The following ANXA11 variants were observed in gnomAD, a reference collection of about 807,000 sequenced individuals.
ANXA11 encodes 56 kDa autoantigen.
A neutral mutation model predicts 64.7 loss-of-function variants in ANXA11; 57 were observed. The observed-to-expected ratio is 0.88, with a 90% CI of 0.71 to 1.10. The LOEUF (loss-of-function observed/expected upper bound fraction) is 1.10. ANXA11 is among the 50% of genes least tolerant of loss of function. The pLI, the probability that ANXA11 is intolerant of heterozygous loss-of-function variation, is 0.00. For missense variants in ANXA11, 675 were observed against 670.7 expected, an observed-to-expected ratio of 1.01 and a Z score of -0.07; for synonymous variants, 260 against 265.2, an observed-to-expected ratio of 0.98 and a Z score of 0.19.
At chr10:80,161,547 C>T (rs1326929752) in intron 12 of ANXA11, among the ~76,000 whole-genome samples, 1 of 152,270 alleles carries the variant, frequency 6.6e-6, no homozygotes. Flanking sequence ...ACCTGACAGA[C>T]TGACCCATGC....
rs1250656161 is a variant in ANXA11 at position 80,166,988 on chromosome 10, G to C, written c.650-4C>G. On this transcript the variant is annotated splice_polypyrimidine_tract_variant and splice_region_variant and intron_variant, in intron 6 of 15. Transcript: ENST00000422982. Reference sequence around the variant, plus strand: ...ATGATGGCCTGCTCATCCGTCCCTGGAGGAAGAGGCAGCAGGGGTGGGTCG... The same window carrying C: ...ATGATGGCCTGCTCATCCGTCCCTGCAGGAAGAGGCAGCAGGGGTGGGTCG... The C allele has an allele frequency of 6.3e-7, 1 of 1,592,216 alleles. No homozygotes were observed. Among genetic ancestry groups the C allele is most frequent in the Non-Finnish European group, 8.6e-7 (1 of 1,169,238 alleles).
intron 5 of ANXA11, among the ~76,000 whole-genome samples, chr10:80,167,574 T>A (rs1323916519): frequency 9.9e-5 from 15 of 152,144 alleles, no homozygotes; most frequent in Non-Finnish European, 2.2e-4. Context: ...ATGCTGAAAA[T>A]CTGCCCAGTG....
At position 80,170,879 on chromosome 10, in the gene ANXA11, G is replaced by T; in HGVS notation, c.92C>A (p.Pro31Gln). 6.4e-7 allele frequency: 1 copy of T among 1,568,470 alleles called. No homozygotes were observed. Among genetic ancestry groups the T allele is most frequent in the Non-Finnish European group, 8.6e-7 (1 of 1,158,908 alleles). Reference sequence around the variant, plus strand: ...CAGCCCGATGGGGGGCATGCTGGGCGGAGGAGGGTAGGCAGCACCTCCCCA... The same window carrying T: ...CAGCCCGATGGGGGGCATGCTGGGCTGAGGAGGGTAGGCAGCACCTCCCCA... ...GPWGGAAYPPPPSMPPIGLDN... is the reference protein window; with the variant it reads ...GPWGGAAYPPQPSMPPIGLDN... Residue 31 changes from proline to glutamine, a missense_variant, in exon 4 of 16, where the codon CCG becomes CAG. By Grantham distance (76) the Pro-to-Gln change is moderately conservative (BLOSUM62 -1). Coordinates refer to ENST00000422982, the MANE Select transcript of ANXA11 (RefSeq NM_145868.2).
intron 1 of ANXA11, among the ~76,000 whole-genome samples, chr10:80,177,550 T>C (rs537989337): frequency 3.0e-4 from 46 of 152,276 alleles, no homozygotes; most frequent in Non-Finnish European, 5.9e-4. Flanking sequence ...TTTACATCCA[T>C]GGATGCAATA....
intron 1 of ANXA11, among the ~76,000 whole-genome samples, chr10:80,179,218 C>G (rs1359239007): frequency 6.6e-6 from 1 of 152,118 alleles, no homozygotes; most frequent in East Asian, 1.9e-4. Context: ...TCTCTTCCTC[C>G]TGCTCCAGCC....
chr10:80,175,775 G>A (rs761898723), intron 2 of ANXA11, among the ~76,000 whole-genome samples: 12 of 152,162 alleles, frequency 7.9e-5, no homozygotes, highest in Admixed American at 4.6e-4. Flanking sequence ...CACAGATGTC[G>A]GCTGGGCGCA....
At position 80,169,345 on chromosome 10, in the gene ANXA11, G is replaced by C. The variant is rs1845884147; in HGVS notation, c.185C>G (p.Ser62Cys). Residue 62 changes from serine (S) to cysteine (C), a missense_variant, in exon 5 of 16, where the codon TCT becomes TGT. Transcript: ENST00000422982. ...DYLSGMAANM[S>C]GTFGGANMPN... ...CATGTTGGCTCCTCCAAATGTCCCAGACATGTTGGCCGCCTGCAAGGACAC... is the reference window on the plus strand; with the variant it reads ...CATGTTGGCTCCTCCAAATGTCCCACACATGTTGGCCGCCTGCAAGGACAC... The C allele has an allele frequency of 6.8e-6, 11 of 1,606,738 alleles. No individual in the cohort carries two copies. In the East Asian group the frequency reaches 1.6e-4, roughly 23 times the overall value.
rs184114649 is a variant in ANXA11, at chr10:80,199,444, G to C, written c.-58+5899C>G. ...AAAGAAATATTTAAAACTAAGGGTTGGGCAAAGACATACCAAATAAATGCA... is the reference window on the plus strand; with the variant it reads ...AAAGAAATATTTAAAACTAAGGGTTCGGCAAAGACATACCAAATAAATGCA... On this transcript the variant is annotated intron_variant, in intron 1 of 15. Transcript: ENST00000422982. Among the ~76,000 whole-genome samples, 3 of 152,038 alleles carry C rather than the reference G, an allele frequency of 2.0e-5. No individual in the cohort carries two copies. In the East Asian group the frequency reaches 5.8e-4, roughly 29 times the overall value.
chr10:80,199,049 TAA>T (rs1229004981), intron 1 of ANXA11, among the ~76,000 whole-genome samples: 1 of 151,512 alleles, frequency 6.6e-6, no homozygotes, highest in South Asian at 2.1e-4. Flanking sequence ...GTTCTGATTA[TAA>T]GAGAAACAAA....
intron 15 of ANXA11, among the ~76,000 whole-genome samples, chr10:80,156,718 G>A (rs2132354749): frequency 6.6e-6 from 1 of 152,234 alleles, no homozygotes; most frequent in African/African-American, 2.4e-5. Context: ...TGGCCAGGCT[G>A]GTCTCGAACT....
Position 80,170,787 on chromosome 10 carries a change from G to C in ANXA11, c.171+13C>G, listed in dbSNP as rs747777611. On this transcript the variant is annotated intron_variant, in intron 4 of 15. Transcript: ENST00000422982. ...TGGCCCCAGGGCTGCCTCAGCAGGA[G>C]AGCTGGACTCACCATTCCCGAGAGA... 2.0e-6 allele frequency: 3 copies of C among 1,470,736 alleles called. No individual in the cohort carries two copies. The highest frequency in any genetic ancestry group is 5.0e-5 in the East Asian group (2 of 40,100). 91.1% of individuals were successfully genotyped at this position (1,470,736 alleles called of 1,614,324 possible).
In ANXA11 at chr10:80,151,817, G is replaced by A. The variant is rs1380416221; in HGVS notation, c.*4036C>T. 6.6e-6 allele frequency: 1 copy of A among 152,170 alleles called. No individual in the cohort carries two copies. The highest frequency in any genetic ancestry group is 1.5e-5 in the Non-Finnish European group (1 of 68,028). 9.4% of individuals were successfully genotyped at this position (152,170 alleles called of 1,614,324 possible). On this transcript the variant is annotated 3_prime_UTR_variant, in exon 16 of 16. Coordinates refer to ENST00000422982, the MANE Select transcript of ANXA11 (RefSeq NM_145868.2). ...TGTGAGCACAGTAGTATTTAGATAA[G>A]CGTTAGATTACAGCAGGTTACAGAT...
At position 80,151,934 on chromosome 10, in the gene ANXA11, A is replaced by G. The variant is rs1277538076; in HGVS notation, c.*3919T>C. On this transcript the variant is annotated 3_prime_UTR_variant, in exon 16 of 16. Transcript: ENST00000422982. Reference sequence around the variant, plus strand: ...CAAGCTCCCCTGATGATCCTGATACACACTCAGGCTTGAAAACCACCACTT... The same window carrying G: ...CAAGCTCCCCTGATGATCCTGATACGCACTCAGGCTTGAAAACCACCACTT... 1 of 152,178 alleles carries G rather than the reference A, an allele frequency of 6.6e-6. No individual in the cohort carries two copies. The highest frequency in any genetic ancestry group is 1.5e-5 in the Non-Finnish European group (1 of 68,042). The allele number at this position is 152,178 out of a possible 1,614,324, so 9.4% of individuals were successfully genotyped here.
rs1845588701 is a variant in ANXA11 at position 80,163,336 on chromosome 10, C to T, written c.1086+13G>A. The T allele has an allele frequency of 6.2e-7, 1 of 1,612,792 alleles. No homozygotes were observed. Among genetic ancestry groups the T allele is most frequent in the Non-Finnish European group, 8.5e-7 (1 of 1,179,968 alleles). ...TGCTTTAGGAAGTCCAGGGGCTTGG[C>T]CATCACACTCACCTGGGCATCTCTC... On this transcript the variant is annotated intron_variant, in intron 11 of 15. Transcript: ENST00000422982.
chr10:80,162,587 G>A (rs142434424), intron 11 of ANXA11, among the ~76,000 whole-genome samples: 2 of 152,316 alleles, frequency 1.3e-5, no homozygotes, highest in Admixed American at 6.5e-5. Context: ...TTCCTCCTCC[G>A]GAAAAGGAGG....
At chr10:80,177,040 C>T (rs532440679) in intron 1 of ANXA11, among the ~76,000 whole-genome samples, 7 of 147,788 alleles carry the variant, frequency 4.7e-5, no homozygotes, top group South Asian at 2.1e-4. Flanking sequence ...AGTGCAGTGG[C>T]GCAATCTCAG....
Position 80,155,898 on chromosome 10 carries a change from C to T in ANXA11, c.1473G>A (p.Gly491=), listed in dbSNP as rs769304031. ...LYHDISGDTS[G]DYRKILLKIC... is the part of the protein sequence containing the mutation. ...TCTTCAGCAGAATCTTCCGGTAATC[C>T]CCTGAAGTATCTCCCTGGCCACAGA... Residue 491 remains glycine, a synonymous_variant, in exon 16 of 16, where the codon GGG becomes GGA. Coordinates refer to ENST00000422982, the MANE Select transcript of ANXA11 (RefSeq NM_145868.2). 2 of 1,614,196 alleles carry T rather than the reference C, an allele frequency of 1.2e-6. No homozygotes were observed. Among genetic ancestry groups the T allele is most frequent in the Admixed American group, 1.7e-5 (1 of 60,032 alleles).
rs1845161846 is a variant in ANXA11, at chr10:80,151,789, C to G, written c.*4064G>C. On this transcript the variant is annotated 3_prime_UTR_variant, in exon 16 of 16. Transcript: ENST00000422982. ...AACACCTCTACTTTTGCGGTGTTCT[C>G]TGTGTGAGCACAGTAGTATTTAGAT... 1 of 152,188 alleles carries G rather than the reference C, an allele frequency of 6.6e-6. No homozygotes were observed. The highest frequency in any genetic ancestry group is 6.5e-5 in the Admixed American group (1 of 15,280). The allele number at this position is 152,188 out of a possible 1,614,324, so 9.4% of individuals were successfully genotyped here.
chr10:80,180,350 A>C (rs1318635674), intron 1 of ANXA11, among the ~76,000 whole-genome samples: 2 of 152,210 alleles, frequency 1.3e-5, no homozygotes, highest in South Asian at 2.1e-4. Flanking sequence ...CTTCAGGGAT[A>C]CAGAAGGGAA....
Sources: allele counts gnomAD v4.1 joint callset (sites outside exome capture counted in the v4.1 genomes callset), GRCh38; gene constraint gnomAD v4.1.1; transcripts MANE v1.5; gene names NCBI Gene and HGNC (gene_info 2026-07-23, HGNC 2026-07-21).